Variants in TGFA observed in about 807,000 individuals in gnomAD.
The protein encoded by TGFA is transforming growth factor alpha, also known as protransforming growth factor alpha.
Under a neutral mutation model 21.7 loss-of-function variants are expected in TGFA, and 12 were observed. That is an observed-to-expected ratio of 0.55 (90% CI 0.35 to 0.90). The LOEUF is 0.90. Ranked by LOEUF, TGFA falls within the 40% of genes least tolerant of loss-of-function variation. The pLI is 0.01. For missense variants in TGFA, 178 were observed against 210.8 expected, an observed-to-expected ratio of 0.84 and a Z score of 0.96; for synonymous variants, 79 against 88.1, an observed-to-expected ratio of 0.90 and a Z score of 0.58.
intron 2 of TGFA, among the ~76,000 whole-genome samples, chr2:70,469,141 C>T (rs959773264): frequency 4.6e-5 from 7 of 152,140 alleles, no homozygotes; most frequent in Admixed American, 2.6e-4. Context: ...GATCTGCAGA[C>T]AGACAGCTTC....
At chr2:70,546,344 A>G (rs1412510206) in intron 1 of TGFA, among the ~76,000 whole-genome samples, 1 of 152,164 alleles carries the variant, frequency 6.6e-6, no homozygotes, top group African/African-American at 2.4e-5. Flanking sequence ...ATTCAGGGGT[A>G]CATGTGCAGG....
At position 70,507,581 on chromosome 2, in the gene TGFA, A is replaced by G. The variant is rs534805557; in HGVS notation, c.94+7278T>C. ...TGGCTACTTTTCACTCTACTGGATA[A>G]TAACCTAACATCTGATTGTTCTGTA... On this transcript the variant is annotated intron_variant, in intron 2 of 5. Coordinates refer to ENST00000295400, the MANE Select transcript of TGFA (RefSeq NM_003236.4). 1.4e-4 allele frequency among the ~76,000 whole-genome samples: 21 copies of G among 152,340 alleles called. No homozygotes were observed. The South Asian group carries it at 4.4e-3, about 32-fold the overall frequency.
chr2:70,549,016 A>G (rs1553506401), intron 1 of TGFA, among the ~76,000 whole-genome samples: 1 of 152,200 alleles, frequency 6.6e-6, no homozygotes, highest in South Asian at 2.1e-4. Context: ...AGTCTTAAAC[A>G]TATTAGCCCT....
intron 2 of TGFA, among the ~76,000 whole-genome samples, chr2:70,484,062 C>T (rs1312923075): frequency 6.6e-6 from 1 of 152,072 alleles, no homozygotes; most frequent in African/African-American, 2.4e-5. Flanking sequence ...GTGGTTTTAC[C>T]CTGAATTTTT....
intron 2 of TGFA, among the ~76,000 whole-genome samples, chr2:70,498,163 G>A (rs1359568075): frequency 6.6e-6 from 1 of 152,264 alleles, no homozygotes; most frequent in Admixed American, 6.5e-5. Context: ...AGCTGGAGCA[G>A]CTCATAAAAG....
intron 1 of TGFA, among the ~76,000 whole-genome samples, chr2:70,530,948 G>A (rs999707954): frequency 6.6e-6 from 1 of 152,168 alleles, no homozygotes; most frequent in Admixed American, 6.5e-5. Flanking sequence ...GAGGCCCCAG[G>A]TCTCCACTTT....
At chr2:70,518,105 A>G (rs1672341785) in intron 1 of TGFA, among the ~76,000 whole-genome samples, 1 of 152,244 alleles carries the variant, frequency 6.6e-6, no homozygotes, top group South Asian at 2.1e-4. Flanking sequence ...GGAGACACAC[A>G]GTGCACAGGC....
intron 1 of TGFA, among the ~76,000 whole-genome samples, chr2:70,542,306 C>A (rs1204670090): frequency 6.6e-6 from 1 of 152,050 alleles, no homozygotes; most frequent in Non-Finnish European, 1.5e-5. Flanking sequence ...TCTCCTATGC[C>A]TCTTGGAAGT....
At chr2:70,484,873 T>C (rs3771504) in intron 2 of TGFA, among the ~76,000 whole-genome samples, 108,477 of 152,124 alleles carry the variant, frequency 0.71, 40,264 homozygotes, top group African/African-American at 0.93. Context: ...GAATTGATTG[T>C]TGCAACCAAA....
intron 1 of TGFA, 62 bp from the exon 2 acceptor site, chr2:70,514,974 C>T (rs371000323): frequency 1.5e-4 from 234 of 1,518,766 alleles, no homozygotes; most frequent in East Asian, 4.8e-4. Flanking sequence ...TGTCCTCAGA[C>T]GCTTAGAGGG....
In TGFA at chr2:70,504,467, C is replaced by CAT. The variant is rs1264518373; in HGVS notation, c.94+10391_94+10392insAT. On this transcript the variant is annotated intron_variant, in intron 2 of 5. Coordinates refer to ENST00000295400, the MANE Select transcript of TGFA (RefSeq NM_003236.4). ...ATATATATATATATATATATATACACACATACATACATACATACACACACA... is the reference window on the plus strand; with the variant it reads ...ATATATATATATATATATATATACACATACATACATACATACATACACACACA... 8.7e-4 allele frequency among the ~76,000 whole-genome samples: 72 copies of CAT among 82,910 alleles called. 1 individual carries two copies. Among genetic ancestry groups the CAT allele is most frequent in the South Asian group, 2.0e-3 (5 of 2,482 alleles). 54.4% of individuals were successfully genotyped at this position (82,910 alleles called of 152,430 possible).
At chr2:70,553,019 C>T (rs1345882948) in intron 1 of TGFA, among the ~76,000 whole-genome samples, 8 of 152,224 alleles carry the variant, frequency 5.3e-5, no homozygotes, top group African/African-American at 1.9e-4. Flanking sequence ...GGTTTAACTT[C>T]CCCTCACCTT....
intron 1 of TGFA, among the ~76,000 whole-genome samples, chr2:70,535,826 A>G (rs936560434): frequency 1.1e-4 from 16 of 152,238 alleles, no homozygotes; most frequent in African/African-American, 3.9e-4. Context: ...CTAACTTTGA[A>G]GTGGTTCACT....
At chr2:70,527,333 C>A (rs78732125) in intron 1 of TGFA, among the ~76,000 whole-genome samples, 1 of 152,142 alleles carries the variant, frequency 6.6e-6, no homozygotes. Context: ...ATGAAAGACG[C>A]CAGTCTGAAA....
chr2:70,488,314 C>T (rs1462935562), intron 2 of TGFA, among the ~76,000 whole-genome samples: 1 of 152,024 alleles, frequency 6.6e-6, no homozygotes, highest in Non-Finnish European at 1.5e-5. Flanking sequence ...AAATATTTAC[C>T]TACACTTCCT....
chr2:70,547,681 T>G (rs1673350766), intron 1 of TGFA, among the ~76,000 whole-genome samples: 1 of 148,686 alleles, frequency 6.7e-6, no homozygotes, highest in African/African-American at 2.5e-5. Flanking sequence ...ACTATCTATA[T>G]AATAGTATAA....
chr2:70,461,084 G>C lies in TGFA; in HGVS notation c.215+4532C>G, dbSNP rs188675956. ...TGGGTCCCCATTACAATCCTATGAA[G>C]TATTAGTATCCTCATTTTGTGCACA... On this transcript the variant is annotated intron_variant, in intron 3 of 5. Transcript: ENST00000295400. Among the ~76,000 whole-genome samples, 29 of 152,238 alleles carry C rather than the reference G, an allele frequency of 1.9e-4. No individual in the cohort carries two copies. The East Asian group carries it at 2.3e-3, about 12-fold the overall frequency.
chr2:70,477,671 G>A (rs1404723021), intron 2 of TGFA, among the ~76,000 whole-genome samples: 1 of 152,124 alleles, frequency 6.6e-6, no homozygotes, highest in African/African-American at 2.4e-5. Flanking sequence ...AGAACCTCCC[G>A]GTGTGACCTC....
At chr2:70,527,336 G>T (rs1672667342) in intron 1 of TGFA, among the ~76,000 whole-genome samples, 1 of 152,234 alleles carries the variant, frequency 6.6e-6, no homozygotes, top group Admixed American at 6.5e-5. Context: ...AAAGACGCCA[G>T]TCTGAAAAGG....
Sources: gnomAD v4.1 joint callset for allele counts (sites outside exome capture counted in the v4.1 genomes callset) on GRCh38, gnomAD v4.1.1 for gene constraint, MANE v1.5 for transcripts, NCBI Gene and HGNC (gene_info 2026-07-23, HGNC 2026-07-21) for gene names.